Variants in CLEC18A observed in about 807,000 individuals in gnomAD.
CLEC18A encodes mannose receptor-like 1.
CLEC18A carries 5 observed loss-of-function variants against 24.0 expected under a neutral mutation model. The ratio of observed to expected loss-of-function variants is 0.21; its 90% CI spans 0.11 to 0.44. The LOEUF (loss-of-function observed/expected upper bound fraction) is 0.44. CLEC18A is among the 20% of genes least tolerant of loss of function. The pLI is 0.99. For missense variants in CLEC18A, 83 were observed against 233.4 expected (o/e 0.36, Z 4.20); for synonymous variants, 29 against 100.1 (o/e 0.29, Z 4.24).
upstream of CLEC18A, among the ~76,000 whole-genome samples, chr16:69,948,691 G>A (rs1282286840): frequency 2.1e-5 from 3 of 145,384 alleles, no homozygotes; most frequent in African/African-American, 5.2e-5. Context: ...CCCAGCCACC[G>A]AGCAGGCTCC....
At chr16:69,946,879 G>T, upstream of CLEC18A, among the ~76,000 whole-genome samples, 1 of 98,322 alleles carries the variant, frequency 1.0e-5, no homozygotes, top group Non-Finnish European at 1.9e-5. Flanking sequence ...ATCTGCAAAT[G>T]AAGATAGTTT....
downstream of CLEC18A, among the ~76,000 whole-genome samples, chr16:69,965,523 G>A (rs1014793798): frequency 1.3e-4 from 19 of 151,128 alleles, no homozygotes; most frequent in African/African-American, 4.4e-4. Context: ...CAGGCGGGGC[G>A]GCCGAGCCGA....
At chr16:69,963,434 TC>T (rs2059084741) in intron 11 of CLEC18A, 139 bp from the exon 12 acceptor site, 1 of 674,806 alleles carries the variant, frequency 1.5e-6, no homozygotes, top group Non-Finnish European at 2.7e-6. Context: ...TGGCACCAGC[TC>T]CCAGCAGCCT....
At chr16:69,964,624 C>T (rs1252926625), downstream of CLEC18A, among the ~76,000 whole-genome samples, 1 of 151,114 alleles carries the variant, frequency 6.6e-6, no homozygotes, top group Admixed American at 6.6e-5. Flanking sequence ...CTCAGCCTCC[C>T]GAGTAGCTGG....
At chr16:69,945,744 CT>C (rs1473209502), upstream of CLEC18A, among the ~76,000 whole-genome samples, 8 of 152,260 alleles carry the variant, frequency 5.3e-5, no homozygotes, top group Non-Finnish European at 1.2e-4. Flanking sequence ...TACCATCTAT[CT>C]TAACAATATT....
In CLEC18A at chr16:69,963,067, G is replaced by C; in HGVS notation, c.1303G>C (p.Ala435Pro). The change falls in exon 11 of 12, where the codon GCC (alanine) becomes CCC (proline). Residue 435 changes from alanine (A) to proline (P), a missense_variant and splice_region_variant. By Grantham distance (27) the Ala-to-Pro change is conservative (BLOSUM62 -1). Coordinates refer to ENST00000288040, the MANE Select transcript of CLEC18A (RefSeq NM_001370523.4). ...CCGAAACCGTTACATCTGCCAGTTTGGTGAGGGACTTCCTGAGGCTCCCCT... is the reference window on the plus strand; with the variant it reads ...CCGAAACCGTTACATCTGCCAGTTTCGTGAGGGACTTCCTGAGGCTCCCCT... ...KTRNRYICQF[A>P]QEHISRWGPG... The C allele has an allele frequency of 6.2e-7, 1 of 1,613,560 alleles. No individual in the cohort carries two copies. Among genetic ancestry groups the C allele is most frequent in the Non-Finnish European group, 8.5e-7 (1 of 1,179,878 alleles).
the CLEC18A span, among the ~76,000 whole-genome samples, chr16:69,944,846 A>G: frequency 1.7e-5 from 2 of 119,586 alleles, no homozygotes; most frequent in Admixed American, 1.6e-4. Context: ...AAAAAAAAGA[A>G]AAAAAAGAAT....
At chr16:69,965,210 T>C (rs533220706), downstream of CLEC18A, among the ~76,000 whole-genome samples, 2 of 151,960 alleles carry the variant, frequency 1.3e-5, no homozygotes, top group East Asian at 3.9e-4. Context: ...ATCACACAGA[T>C]GCCCCCAGCT....
chr16:69,958,588 A>G (rs1476646410), intron 3 of CLEC18A, among the ~76,000 whole-genome samples: 2 of 8,590 alleles, frequency 2.3e-4, no homozygotes, highest in Non-Finnish European at 3.0e-4. Context: ...TACTAAAAAT[A>G]CAAAAAAATT....
the CLEC18A span, among the ~76,000 whole-genome samples, chr16:69,944,023 T>C: frequency 2.1e-3 from 273 of 130,446 alleles, 43 homozygotes; most frequent in Non-Finnish European, 2.8e-3. Context: ...GGGCCGGGTG[T>C]GGTGGCTCAT....
At chr16:69,944,227 C>G in the CLEC18A span, among the ~76,000 whole-genome samples, 2 of 134,934 alleles carry the variant, frequency 1.5e-5, 1 homozygote, top group Non-Finnish European at 3.5e-5. Context: ...ACCCGGGAGG[C>G]AGAGGTTGCA....
At chr16:69,964,786 A>G (rs1057111403), downstream of CLEC18A, among the ~76,000 whole-genome samples, 1 of 150,154 alleles carries the variant, frequency 6.7e-6, no homozygotes, top group African/African-American at 2.5e-5. Flanking sequence ...GACAGGCGTG[A>G]GCCACCGCGC....
chr16:69,945,270 A>G, the CLEC18A span, among the ~76,000 whole-genome samples: 1 of 147,692 alleles, frequency 6.8e-6, no homozygotes, highest in South Asian at 2.1e-4. Flanking sequence ...CCTGGGTGAC[A>G]AAGTGAGACC....
downstream of CLEC18A, among the ~76,000 whole-genome samples, chr16:69,965,257 C>A (rs1407685884): frequency 2.0e-5 from 3 of 151,930 alleles, no homozygotes; most frequent in Admixed American, 1.3e-4. Flanking sequence ...GCCCCCTGAT[C>A]CCTGCCCGGG....
chr16:69,945,064 C>A, the CLEC18A span, among the ~76,000 whole-genome samples: 2 of 146,310 alleles, frequency 1.4e-5, no homozygotes, highest in Admixed American at 1.3e-4. Context: ...ATCACCTGAA[C>A]CCCGGAGCCG....
At chr16:69,944,232 G>C in the CLEC18A span, among the ~76,000 whole-genome samples, 2 of 134,950 alleles carry the variant, frequency 1.5e-5, no homozygotes, top group Admixed American at 1.5e-4. Context: ...GGAGGCAGAG[G>C]TTGCAGTGAG....
chr16:69,965,147 C>G (rs1290510174), downstream of CLEC18A, among the ~76,000 whole-genome samples: 4 of 151,758 alleles, frequency 2.6e-5, no homozygotes, highest in African/African-American at 9.7e-5. Context: ...CCTGTCTAAC[C>G]GGGCGCGGGC....
At chr16:69,965,193 C>T (rs1959336729), downstream of CLEC18A, among the ~76,000 whole-genome samples, 1 of 151,838 alleles carries the variant, frequency 6.6e-6, no homozygotes, top group Non-Finnish European at 1.5e-5. Context: ...CGGACCTACG[C>T]GGGGTGATCA....
chr16:69,964,593 A>T (rs4985474), downstream of CLEC18A: 1 of 144,772 alleles, frequency 6.9e-6, no homozygotes, highest in African/African-American at 2.5e-5. Context: ...TCCGCCTCCC[A>T]GGTTCACGCC....
Sources: allele counts gnomAD v4.1 joint callset (sites outside exome capture counted in the v4.1 genomes callset), GRCh38; gene constraint gnomAD v4.1.1; transcripts MANE v1.5; gene names NCBI Gene and HGNC (gene_info 2026-07-23, HGNC 2026-07-21).